HS6ST3: variants seen among roughly 807,000 people sequenced by gnomAD.
HS6ST3 encodes heparan sulfate 6-O-sulfotransferase 3.
HS6ST3 carries 12 observed loss-of-function variants against 36.7 expected under a neutral mutation model. That is an observed-to-expected ratio of 0.33 (90% CI 0.21 to 0.53). HS6ST3 has a LOEUF of 0.53. Among genes scored for constraint, HS6ST3 ranks in the 20% least tolerant of loss-of-function variants. HS6ST3 has a pLI of 0.95. For missense variants in HS6ST3, 584 were observed against 640.9 expected, an observed-to-expected ratio of 0.91 and a Z score of 0.96; for synonymous variants, 240 against 257.5, an observed-to-expected ratio of 0.93 and a Z score of 0.65.
intron 1 of HS6ST3, among the ~76,000 whole-genome samples, chr13:96,178,257 A>C (rs35426574): frequency 6.6e-6 from 1 of 152,216 alleles, no homozygotes; most frequent in Non-Finnish European, 1.5e-5. Flanking sequence ...ATAAAATAAT[A>C]CAAAATAAAA....
intron 1 of HS6ST3, among the ~76,000 whole-genome samples, chr13:96,167,728 A>G (rs1057144447): frequency 2.6e-5 from 4 of 152,240 alleles, no homozygotes; most frequent in Non-Finnish European, 5.9e-5. Context: ...TGAATAGGTG[A>G]TTAATTAAGA....
At chr13:96,441,706 G>C (rs2139480546) in intron 1 of HS6ST3, among the ~76,000 whole-genome samples, 1 of 152,018 alleles carries the variant, frequency 6.6e-6, no homozygotes, top group East Asian at 1.9e-4. Flanking sequence ...GAATAATCAG[G>C]GAATAAAGAA....
intron 1 of HS6ST3, among the ~76,000 whole-genome samples, chr13:96,828,087 A>C (rs1878687176): frequency 6.6e-6 from 1 of 152,170 alleles, no homozygotes; most frequent in African/African-American, 2.4e-5. Flanking sequence ...ACACTGATGG[A>C]ATTGTCATTC....
chr13:96,122,017 T>C (rs2053927907), intron 1 of HS6ST3, among the ~76,000 whole-genome samples: 2 of 152,038 alleles, frequency 1.3e-5, no homozygotes, highest in African/African-American at 4.8e-5. Flanking sequence ...ACTTTTTCAA[T>C]AGCTAAGAAT....
intron 1 of HS6ST3, among the ~76,000 whole-genome samples, chr13:96,128,766 A>C (rs755842488): frequency 6.6e-6 from 1 of 152,054 alleles, no homozygotes; most frequent in Non-Finnish European, 1.5e-5. Flanking sequence ...AGAGAGCTTG[A>C]TAACTACCAT....
chr13:96,638,184 T>C (rs1281655674), intron 1 of HS6ST3, among the ~76,000 whole-genome samples: 1 of 152,044 alleles, frequency 6.6e-6, no homozygotes, highest in African/African-American at 2.4e-5. Flanking sequence ...TACTTACCTA[T>C]CATCAGTACC....
intron 1 of HS6ST3, among the ~76,000 whole-genome samples, chr13:96,186,477 T>G (rs1380421830): frequency 6.6e-6 from 1 of 152,218 alleles, no homozygotes; most frequent in African/African-American, 2.4e-5. Context: ...TATTATGCAC[T>G]CAGTGTTTGT....
intron 1 of HS6ST3, among the ~76,000 whole-genome samples, chr13:96,102,626 G>A (rs1056809046): frequency 3.3e-4 from 50 of 152,274 alleles, no homozygotes; most frequent in African/African-American, 1.1e-3. Context: ...GTGCTATAAA[G>A]AATAATTAAT....
intron 1 of HS6ST3, among the ~76,000 whole-genome samples, chr13:96,548,588 C>T (rs57420048): frequency 0.024 from 3,696 of 152,232 alleles, 100 homozygotes; most frequent in African/African-American, 0.067. Context: ...ATCTATCTAT[C>T]TATGTATCTG....
intron 1 of HS6ST3, among the ~76,000 whole-genome samples, chr13:96,256,756 G>A (rs2054639436): frequency 6.6e-6 from 1 of 152,206 alleles, no homozygotes; most frequent in Non-Finnish European, 1.5e-5. Flanking sequence ...ATGGTCATCT[G>A]CAGAGATAAT....
chr13:96,441,543 A>G (rs1594781141), intron 1 of HS6ST3, among the ~76,000 whole-genome samples: 1 of 152,322 alleles, frequency 6.6e-6, no homozygotes, highest in Non-Finnish European at 1.5e-5. Context: ...AGCATTACAG[A>G]GAAAGAGCTA....
At chr13:96,236,234 G>A (rs535552103) in intron 1 of HS6ST3, among the ~76,000 whole-genome samples, 1 of 152,234 alleles carries the variant, frequency 6.6e-6, no homozygotes, top group South Asian at 2.1e-4. Context: ...GGGTGGGTCT[G>A]CCTCTCACAG....
At chr13:96,569,551 A>G (rs148612598) in intron 1 of HS6ST3, among the ~76,000 whole-genome samples, 1 of 152,342 alleles carries the variant, frequency 6.6e-6, no homozygotes, top group East Asian at 1.9e-4. Context: ...GGCTGGAAGG[A>G]TAACAACTGG....
At chr13:96,390,195 A>G (rs1177437842) in intron 1 of HS6ST3, among the ~76,000 whole-genome samples, 2 of 152,220 alleles carry the variant, frequency 1.3e-5, no homozygotes, top group African/African-American at 2.4e-5. Flanking sequence ...TGTATAATTC[A>G]GACCCATAGC....
chr13:96,133,803 A>C lies in HS6ST3; in HGVS notation c.707+42234A>C, dbSNP rs888676687. On this transcript the variant is annotated intron_variant, in intron 1 of 1. Transcript: ENST00000376705. The stretch of plus-strand genomic sequence containing the variant: ...TGCCTGTGCTTTTGTGATCATAGAC[A>C]AAAAAAATCATTGTCCAGAGCAACT... Among the ~76,000 whole-genome samples, 5 of 151,056 alleles carry C rather than the reference A, an allele frequency of 3.3e-5. No individual in the cohort carries two copies. The South Asian group carries it at 1.0e-3, about 32-fold the overall frequency.
At chr13:96,541,023 A>G (rs1452465927) in intron 1 of HS6ST3, among the ~76,000 whole-genome samples, 1 of 152,092 alleles carries the variant, frequency 6.6e-6, no homozygotes, top group Non-Finnish European at 1.5e-5. Flanking sequence ...CCATTTGTTT[A>G]TTAATTTATT....
At chr13:96,550,885 A>C (rs1421156939) in intron 1 of HS6ST3, among the ~76,000 whole-genome samples, 1 of 152,170 alleles carries the variant, frequency 6.6e-6, no homozygotes, top group Non-Finnish European at 1.5e-5. Flanking sequence ...TCTCCCAGGG[A>C]GAGTGAGTAG....
chr13:96,627,644 A>G (rs1179195137), intron 1 of HS6ST3, among the ~76,000 whole-genome samples: 1 of 151,904 alleles, frequency 6.6e-6, no homozygotes, highest in African/African-American at 2.4e-5. Context: ...CTCTCTATGT[A>G]AAGTTATTCA....
At chr13:96,798,613 G>A (rs1877969535) in intron 1 of HS6ST3, among the ~76,000 whole-genome samples, 1 of 152,038 alleles carries the variant, frequency 6.6e-6, no homozygotes, top group Non-Finnish European at 1.5e-5. Context: ...TGACTCTGAG[G>A]AAGGTCACTT....
Sources: allele counts gnomAD v4.1 joint callset (sites outside exome capture counted in the v4.1 genomes callset), GRCh38; gene constraint gnomAD v4.1.1; transcripts MANE v1.5; gene names NCBI Gene and HGNC (gene_info 2026-07-23, HGNC 2026-07-21).